The following ME1 variants were observed in gnomAD, a reference collection of about 807,000 sequenced individuals.
ME1 encodes the protein malic enzyme 1.
A neutral mutation model predicts 66.4 loss-of-function variants in ME1; 74 were observed. That is an observed-to-expected ratio of 1.11 (90% CI 0.92 to 1.35). The LOEUF (loss-of-function observed/expected upper bound fraction) is 1.35, where lower values mean the gene tolerates loss of function less well. Ranked by LOEUF, ME1 falls within the 40% of genes most tolerant of loss-of-function variation. ME1 has a pLI of 0.00. For missense variants in ME1, 750 were observed against 694.1 expected (o/e 1.08, Z -0.90); for synonymous variants, 251 against 235.6 (o/e 1.07, Z -0.60).
intron 3 of ME1, among the ~76,000 whole-genome samples, chr6:83,359,361 AG>A (rs1768961298): frequency 1.3e-5 from 2 of 152,192 alleles, no homozygotes; most frequent in African/African-American, 4.8e-5. Flanking sequence ...ATGCTTGAAA[AG>A]AACTGCTTGA....
chr6:83,299,500 G>A (rs1342914865), intron 6 of ME1, among the ~76,000 whole-genome samples: 3 of 152,126 alleles, frequency 2.0e-5, no homozygotes, highest in African/African-American at 7.2e-5. Flanking sequence ...GAGCTTTTGG[G>A]CTGAGACCAT....
At chr6:83,407,500 T>C (rs1002292310) in intron 2 of ME1, among the ~76,000 whole-genome samples, 13 of 152,222 alleles carry the variant, frequency 8.5e-5, no homozygotes, top group Admixed American at 2.0e-4. Context: ...CTGTTCAGGA[T>C]GGCATTTCCT....
At chr6:83,213,297 GC>G (rs1789930013) in intron 13 of ME1, among the ~76,000 whole-genome samples, 1 of 151,148 alleles carries the variant, frequency 6.6e-6, no homozygotes, top group Admixed American at 6.6e-5. Flanking sequence ...GGTGGTGCAT[GC>G]CTGTAACCCT....
At chr6:83,283,585 A>C (rs1396344904) in intron 6 of ME1, among the ~76,000 whole-genome samples, 1 of 152,086 alleles carries the variant, frequency 6.6e-6, no homozygotes. Context: ...ACTTAAAATA[A>C]AAAACAAAAA....
chr6:83,216,044 G>A (rs561733461), intron 13 of ME1, among the ~76,000 whole-genome samples: 16 of 152,118 alleles, frequency 1.1e-4, no homozygotes, highest in East Asian at 7.7e-4. Context: ...TTTGCCTTCC[G>A]CCCAGTATTA....
rs1789859037 is a variant in ME1, at chr6:83,210,884, T to C, written c.*1040A>G. The C allele has an allele frequency of 1.3e-5, 2 of 152,252 alleles. No individual in the cohort carries two copies. Among genetic ancestry groups the C allele is most frequent in the Admixed American group, 1.3e-4 (2 of 15,284 alleles). 9.4% of individuals were successfully genotyped at this position (152,252 alleles called of 1,614,324 possible). On this transcript the variant is annotated 3_prime_UTR_variant, in exon 14 of 14. Coordinates refer to ENST00000369705, the MANE Select transcript of ME1 (RefSeq NM_002395.6). ...TAGTCATCAAGATATTTTAATCTTA[T>C]GTAAGGACATTTCTGATACTGGGAA...
At chr6:83,348,225 A>T (rs986269589) in intron 4 of ME1, among the ~76,000 whole-genome samples, 9 of 152,226 alleles carry the variant, frequency 5.9e-5, no homozygotes, top group African/African-American at 2.2e-4. Flanking sequence ...AAGGTAAAAA[A>T]GATAAATACT....
At chr6:83,393,662 C>G (rs923697195) in intron 3 of ME1, among the ~76,000 whole-genome samples, 1 of 151,740 alleles carries the variant, frequency 6.6e-6, no homozygotes, top group African/African-American at 2.4e-5. Flanking sequence ...AACTCAAATA[C>G]TTCGTTTGAT....
At chr6:83,253,331 G>A (rs1790754899) in intron 7 of ME1, among the ~76,000 whole-genome samples, 1 of 152,084 alleles carries the variant, frequency 6.6e-6, no homozygotes, top group Non-Finnish European at 1.5e-5. Flanking sequence ...TTACTTTTAA[G>A]CATTGAATAA....
At chr6:83,325,905 C>T (rs564066483) in intron 5 of ME1, among the ~76,000 whole-genome samples, 13 of 149,946 alleles carry the variant, frequency 8.7e-5, no homozygotes, top group Non-Finnish European at 1.9e-4. Context: ...CCCATATAGC[C>T]CAGACAATCC....
chr6:83,299,730 T>C (rs1767677686), intron 6 of ME1, among the ~76,000 whole-genome samples: 2 of 152,210 alleles, frequency 1.3e-5, no homozygotes, highest in Non-Finnish European at 2.9e-5. Flanking sequence ...TGATATGCAC[T>C]GTGGGTCTGT....
intron 6 of ME1, among the ~76,000 whole-genome samples, chr6:83,271,525 C>A (rs1767081453): frequency 1.3e-5 from 2 of 152,166 alleles, no homozygotes; most frequent in South Asian, 2.1e-4. Flanking sequence ...TATGATTAGT[C>A]TTTCTCATAT....
At chr6:83,398,819 A>C (rs957234937) in intron 2 of ME1, among the ~76,000 whole-genome samples, 1 of 148,216 alleles carries the variant, frequency 6.7e-6, no homozygotes, top group African/African-American at 2.5e-5. Flanking sequence ...AAAATACAAA[A>C]GTGGCCGGGC....
At chr6:83,278,634 T>G (rs2128532534) in intron 6 of ME1, among the ~76,000 whole-genome samples, 1 of 151,910 alleles carries the variant, frequency 6.6e-6, no homozygotes, top group South Asian at 2.1e-4. Context: ...TTTTTTTAAT[T>G]TCTTGTAGAT....
At chr6:83,420,866 G>GTTGTTGTTGTTGGGTT (rs1158104399) in intron 1 of ME1, among the ~76,000 whole-genome samples, 1 of 151,958 alleles carries the variant, frequency 6.6e-6, no homozygotes, top group Non-Finnish European at 1.5e-5. Flanking sequence ...AGAAATTTTT[G>GTTGTTGTTGTTGGGTT]TTGTTGTTGT....
At chr6:83,370,325 T>C (rs534960019) in intron 3 of ME1, among the ~76,000 whole-genome samples, 1 of 152,274 alleles carries the variant, frequency 6.6e-6, no homozygotes, top group Non-Finnish European at 1.5e-5. Flanking sequence ...CAACTTTACT[T>C]ACACTGTGTT....
At chr6:83,324,652 T>A (rs141651704) in intron 5 of ME1, among the ~76,000 whole-genome samples, 3,765 of 133,098 alleles carry the variant, frequency 0.028, 174 homozygotes, top group African/African-American at 0.099. Context: ...TAGGAAGAAG[T>A]CGAATCCCCG....
intron 1 of ME1, among the ~76,000 whole-genome samples, chr6:83,427,454 C>T (rs1770395660): frequency 6.6e-6 from 1 of 152,128 alleles, no homozygotes; most frequent in South Asian, 2.1e-4. Flanking sequence ...CACATTTCAA[C>T]TTTTCTGACT....
Position 83,228,852 on chromosome 6 carries a change from T to G in ME1, c.1106A>C (p.Gln369Pro). Residue 369 changes from glutamine to proline, a missense_variant, in exon 10 of 14, where the codon CAA becomes CCA. Coordinates refer to ENST00000369705, the MANE Select transcript of ME1 (RefSeq NM_002395.6). ...TATGAGGGCAGTTGGTTTTATTTCT[T>G]GAACAATGGCTTCTAGGTTCTTCAT... ...EEMKNLEAIV[Q>P]EIKPTALIGV... 4 of 1,612,524 alleles carry G rather than the reference T, an allele frequency of 2.5e-6. No homozygotes were observed. The South Asian group carries it at 3.3e-5, about 13-fold the overall frequency.
Sources: allele counts gnomAD v4.1 joint callset (sites outside exome capture counted in the v4.1 genomes callset), GRCh38; gene constraint gnomAD v4.1.1; transcripts MANE v1.5; gene names NCBI Gene and HGNC (gene_info 2026-07-23, HGNC 2026-07-21).